The following ZAN variants were observed in gnomAD, a reference collection of about 807,000 sequenced individuals.
ZAN encodes the protein zonadhesin.
Under a neutral mutation model 286.2 loss-of-function variants are expected in ZAN, and 260 were observed. That is an observed-to-expected ratio of 0.91 (90% CI 0.82 to 1.01). ZAN has a LOEUF of 1.01. Ranked by LOEUF, ZAN falls within the 50% of genes least tolerant of loss-of-function variation. The pLI, the probability that ZAN is intolerant of heterozygous loss-of-function variation, is 0.00. For synonymous variants in ZAN, 1,368 were observed against 1,417.5 expected, an observed-to-expected ratio of 0.97 and a Z score of 0.79; for missense variants, 3,410 against 3,639.2, an observed-to-expected ratio of 0.94 and a Z score of 1.62.
At chr7:100,770,503 C>CAAA (rs71126334) in intron 28 of ZAN, among the ~76,000 whole-genome samples, 2,782 of 93,386 alleles carry the variant, frequency 0.03, 185 homozygotes, top group South Asian at 0.12. Flanking sequence ...GACTCTGTCT[C>CAAA]AAAAAAAAAA....
intron 42 of ZAN, among the ~76,000 whole-genome samples, chr7:100,793,436 T>C (rs1194447767): frequency 6.6e-6 from 1 of 152,118 alleles, no homozygotes; most frequent in Non-Finnish European, 1.5e-5. Flanking sequence ...CTGAGTGTTT[T>C]TGTTTTTGTT....
chr7:100,793,085 T>A (rs1812109522), intron 42 of ZAN, among the ~76,000 whole-genome samples: 1 of 151,714 alleles, frequency 6.6e-6, no homozygotes, highest in Admixed American at 6.6e-5. Flanking sequence ...ATACCTGTAG[T>A]TCCACCACTT....
chr7:100,776,714 C>CTTTTTTTTTT (rs1810830578), intron 34 of ZAN, 150 bp downstream of exon 34: 1 of 186,748 alleles, frequency 5.4e-6, no homozygotes, highest in African/African-American at 4.7e-5. Context: ...TCTTCCTCTC[C>CTTTTTTTTTT]TTTCTTTTTT....
At chr7:100,744,663 T>C (rs1285688849) in intron 7 of ZAN, among the ~76,000 whole-genome samples, 2 of 151,326 alleles carry the variant, frequency 1.3e-5, no homozygotes. Context: ...GGCCCCACCT[T>C]CACTGAAAGC....
Position 100,763,850 on chromosome 7 carries a change from C to G in ZAN, c.4031C>G (p.Ser1344Cys), listed in dbSNP as rs760035237. 2 of 1,614,078 alleles carry G rather than the reference C, an allele frequency of 1.2e-6. No individual in the cohort carries two copies. The highest frequency in any genetic ancestry group is 8.5e-7 in the Non-Finnish European group (1 of 1,179,914). The change falls in exon 21 of 48, where the codon TCT becomes TGT. Residue 1344 changes from serine to cysteine, a missense_variant. Physicochemically the swap from Ser to Cys is moderately radical, Grantham distance 112. This residue lies in a region of ZAN where 1,042 missense variants were observed against 1,058.0 expected (regional missense o/e 0.98). Coordinates refer to ENST00000613979, the MANE Select transcript of ZAN (RefSeq NM_003386.3). The surrounding 1 kb of genome is among the most constrained non-coding windows in gnomAD (Gnocchi z 4.6). ...GTGAATTCCCCGTCTTGTGATTCAT[C>G]TCTGCAGAGCAGCATGTCGGGGCCA... is the stretch of plus-strand genomic sequence containing the variant. The part of the protein sequence containing the change: ...QVVNSPSCDS[S>C]LQSSMSGPGF...
chr7:100,759,981 A>C lies in ZAN; in HGVS notation c.3696+136A>C, dbSNP rs1809438645. 19 of 1,357,484 alleles carry C rather than the reference A, an allele frequency of 1.4e-5. No individual in the cohort carries two copies. The South Asian group carries it at 2.9e-4, about 21-fold the overall frequency. 84.1% of individuals were successfully genotyped at this position (1,357,484 alleles called of 1,614,324 possible). On this transcript the variant is annotated intron_variant, in intron 18 of 47. Transcript: ENST00000613979. ...GCAATCCCAGCTCCTTGGGAGGCTA[A>C]AGTGGGAGGATTGCTTGAGGCCAGG...
At chr7:100,796,480 G>C (rs1178741395) in intron 45 of ZAN, among the ~76,000 whole-genome samples, 4 of 146,228 alleles carry the variant, frequency 2.7e-5, no homozygotes, top group Non-Finnish European at 5.9e-5. Flanking sequence ...GCAGTGGCGT[G>C]ATCTCGGCTC....
At position 100,738,354 on chromosome 7, in the gene ZAN, G is replaced by A. The variant is rs1242612236; in HGVS notation, c.614-107G>A. On this transcript the variant is annotated intron_variant, in intron 6 of 47. Coordinates refer to ENST00000613979, the MANE Select transcript of ZAN (RefSeq NM_003386.3). The stretch of plus-strand genomic sequence containing the variant: ...GACCGCTTGAGTCCAGGAGTTCGAG[G>A]CCGCAGTGAGCTATGATCACACCAC... 9.0e-6 allele frequency: 10 copies of A among 1,106,468 alleles called. 1 individual carries two copies. Among genetic ancestry groups the A allele is most frequent in the Non-Finnish European group, 1.3e-5 (10 of 766,518 alleles). The allele number at this position is 1,106,468 out of a possible 1,614,324, so 68.5% of individuals were successfully genotyped here.
At chr7:100,749,512 C>T (rs963850917) in intron 11 of ZAN, among the ~76,000 whole-genome samples, 196 of 151,146 alleles carry the variant, frequency 1.3e-3, no homozygotes, top group African/African-American at 2.7e-3. Context: ...TGGTGGTGGG[C>T]GCCTGTAGTC....
intron 40 of ZAN, among the ~76,000 whole-genome samples, chr7:100,791,417 C>T (rs1811952503): frequency 6.6e-6 from 1 of 152,078 alleles, no homozygotes; most frequent in Admixed American, 6.6e-5. Flanking sequence ...CCTTCTTCTT[C>T]TCCTCCTCCT....
chr7:100,772,648 C>G (rs377424896), intron 29 of ZAN, among the ~76,000 whole-genome samples: 1 of 151,536 alleles, frequency 6.6e-6, no homozygotes, highest in Non-Finnish European at 1.5e-5. Context: ...GGAGAAACCC[C>G]GTCTCTACCA....
At chr7:100,772,054 AG>A (rs1174274084) in intron 29 of ZAN, 34 bp downstream of exon 29, 1 of 1,542,580 alleles carries the variant, frequency 6.5e-7, no homozygotes, top group African/African-American at 1.4e-5. Context: ...CACAGCCCAT[AG>A]GCACCCTCCA....
rs1335393587 is a variant in ZAN, at chr7:100,767,920, G to A, written c.4950G>A (p.Thr1650=). 3.7e-6 allele frequency: 6 copies of A among 1,613,942 alleles called. No individual in the cohort carries two copies. Among genetic ancestry groups the A allele is most frequent in the South Asian group, 2.2e-5 (2 of 91,070 alleles). ...GCAGCAACCTCGTCCTCCTCTACAC[G>A]AACTTTGGGCTCCAAGTTCGCTACG... ...RLSSNLVLLY[T]NFGLQVRYDG... The change falls in exon 26 of 48, where the codon ACG becomes ACA. Residue 1650 remains threonine (T), a synonymous_variant. Coordinates refer to ENST00000613979, the MANE Select transcript of ZAN (RefSeq NM_003386.3).
At chr7:100,782,876 A>G (rs1302507447) in intron 35 of ZAN, among the ~76,000 whole-genome samples, 4 of 152,138 alleles carry the variant, frequency 2.6e-5, no homozygotes, top group African/African-American at 9.7e-5. Context: ...AAATTCCCAT[A>G]TATATTTGGA....
chr7:100,765,293 TC>T, intron 22 of ZAN, 58 bp from the exon 23 acceptor site: 1 of 1,576,772 alleles, frequency 6.3e-7, no homozygotes. Context: ...CCTTCCTGTT[TC>T]CCACCCAGCC....
At chr7:100,775,237 T>C in intron 31 of ZAN, 91 bp from the exon 32 acceptor site, 1 of 1,499,988 alleles carries the variant, frequency 6.7e-7, no homozygotes, top group Non-Finnish European at 8.9e-7. Flanking sequence ...GACTCTTTTC[T>C]GGAAGGCAGG....
In ZAN at chr7:100,767,889, G is replaced by A; in HGVS notation, c.4919G>A (p.Arg1640Lys). Residue 1640 changes from arginine (R) to lysine (K), a missense_variant, in exon 26 of 48, where the codon AGG becomes AAG. Arg to Lys is a conservative substitution (Grantham distance 26). Around this residue, in one of 7 missense-constraint regions of ZAN, gnomAD observed 1,042 missense variants for 1,058.0 expected, o/e 0.98. Coordinates refer to ENST00000613979, the MANE Select transcript of ZAN (RefSeq NM_003386.3). ...CTTGCACAAGGCCGGGTGACCATAA[G>A]GCTCAGCAGCAACCTCGTCCTCCTC... is the stretch of plus-strand genomic sequence containing the variant. ...VWLAQGRVTI[R>K]LSSNLVLLYT... 6.2e-7 allele frequency: 1 copy of A among 1,613,884 alleles called. No individual in the cohort carries two copies. The highest frequency in any genetic ancestry group is 1.7e-5 in the Admixed American group (1 of 59,998).
Position 100,773,445 on chromosome 7 carries a change from G to T in ZAN, c.5586G>T (p.Val1862=). 6.2e-7 allele frequency: 1 copy of T among 1,613,906 alleles called. No individual in the cohort carries two copies. The highest frequency in any genetic ancestry group is 8.5e-7 in the Non-Finnish European group (1 of 1,179,878). The change falls in exon 30 of 48, where the codon GTG becomes GTT. Residue 1862 remains valine, a synonymous_variant. Coordinates refer to ENST00000613979, the MANE Select transcript of ZAN (RefSeq NM_003386.3). ...ACATCTTGAGTGGAACCTCCTGCGT[G>T]CCCCTTGGCCAGTGTGGCTGCACTG... ...KGHILSGTSC[V]PLGQCGCTDP...
intron 31 of ZAN, among the ~76,000 whole-genome samples, chr7:100,774,615 G>C (rs1810622005): frequency 6.6e-6 from 1 of 152,156 alleles, no homozygotes; most frequent in Non-Finnish European, 1.5e-5. Flanking sequence ...CCAGGAATTA[G>C]AGTCTGCATG....
Sources: allele counts gnomAD v4.1 joint callset (sites outside exome capture counted in the v4.1 genomes callset), GRCh38; gene constraint gnomAD v4.1.1; regional missense constraint gnomAD v4.1.1; non-coding constraint Gnocchi (gnomAD v3.1); transcripts MANE v1.5; gene names NCBI Gene and HGNC (gene_info 2026-07-23, HGNC 2026-07-21).